The following PTPRE variants were observed in gnomAD, a reference collection of about 807,000 sequenced individuals.
PTPRE encodes the protein protein tyrosine phosphatase receptor type E.
In PTPRE, 51 loss-of-function variants were observed where a neutral mutation model predicts 102.0. The ratio of observed to expected loss-of-function variants is 0.50; its 90% CI spans 0.40 to 0.63. PTPRE has a LOEUF of 0.63. Ranked by LOEUF, PTPRE falls within the 30% of genes least tolerant of loss-of-function variation. The probability of loss-of-function intolerance (pLI) is 0.00; values close to 1 mark genes in which losing one functional copy is unlikely to be tolerated. For missense variants in PTPRE, 752 were observed against 915.1 expected (o/e 0.82, Z 2.30); for synonymous variants, 345 against 348.2 (o/e 0.99, Z 0.10).
At chr10:127,945,983 C>T (rs1318696475) in intron 1 of PTPRE, among the ~76,000 whole-genome samples, 2 of 152,098 alleles carry the variant, frequency 1.3e-5, no homozygotes, top group Non-Finnish European at 2.9e-5. Context: ...ACAGAGCTCT[C>T]TGTGGGTCTC....
At chr10:128,001,361 TAGTA>T (rs1287409330) in intron 2 of PTPRE, among the ~76,000 whole-genome samples, 3 of 152,224 alleles carry the variant, frequency 2.0e-5, no homozygotes, top group Non-Finnish European at 2.9e-5. Context: ...GAAAGGCTGA[TAGTA>T]AGTAAAGTGT....
intron 2 of PTPRE, among the ~76,000 whole-genome samples, chr10:128,006,119 G>T (rs1854514946): frequency 6.6e-6 from 1 of 152,184 alleles, no homozygotes; most frequent in Non-Finnish European, 1.5e-5. Flanking sequence ...GGTTCCAGAT[G>T]GTCATGAATT....
At chr10:127,978,677 T>C (rs750905729) in intron 1 of PTPRE, among the ~76,000 whole-genome samples, 3 of 152,236 alleles carry the variant, frequency 2.0e-5, no homozygotes, top group Admixed American at 6.5e-5. Flanking sequence ...CTCCTCGCTC[T>C]GTGATGCTGG....
chr10:128,016,701 C>T (rs1046585496), intron 2 of PTPRE, among the ~76,000 whole-genome samples: 6 of 152,056 alleles, frequency 3.9e-5, no homozygotes, highest in African/African-American at 1.4e-4. Flanking sequence ...CCAGAAAGGT[C>T]TCATCCCACC....
chr10:128,057,382 G>T (rs966080750), intron 7 of PTPRE, among the ~76,000 whole-genome samples: 1 of 152,116 alleles, frequency 6.6e-6, no homozygotes, highest in Non-Finnish European at 1.5e-5. Flanking sequence ...TGCAGCCTCC[G>T]CCTGGTCCAC....
chr10:128,079,590 A>T lies in PTPRE; in HGVS notation c.1923A>T (p.Ile641=). The change falls in exon 20 of 21, where the codon ATA becomes ATT. Residue 641 remains isoleucine, a synonymous_variant. Coordinates refer to ENST00000254667, the MANE Select transcript of PTPRE (RefSeq NM_006504.6). ...GAGCTGGGCGAACAGGTACATTCAT[A>T]GCCCTCAGCAACATTTTGGAGCGAG... ...SAGAGRTGTF[I]ALSNILERVK... is the part of the protein sequence containing the mutation. 6.2e-7 allele frequency: 1 copy of T among 1,614,170 alleles called. No homozygotes were observed. Among genetic ancestry groups the T allele is most frequent in the Non-Finnish European group, 8.5e-7 (1 of 1,180,036 alleles).
Position 127,964,508 on chromosome 10 carries a change from A to G in PTPRE, c.-30-17766A>G, listed in dbSNP as rs368151218. ...ATCAAATGTAAACTTCTAGGAATAT[A>G]TTTTCATAATGTGTTTCTAGCCGTC... On this transcript the variant is annotated intron_variant, in intron 1 of 20. Coordinates refer to ENST00000254667, the MANE Select transcript of PTPRE (RefSeq NM_006504.6). 1.2e-4 allele frequency among the ~76,000 whole-genome samples: 18 copies of G among 151,034 alleles called. No individual in the cohort carries two copies. In the East Asian group the frequency reaches 2.7e-3, roughly 23 times the overall value.
intron 11 of PTPRE, 135 bp downstream of exon 11, chr10:128,066,329 C>CA: frequency 2.8e-6 from 4 of 1,406,302 alleles, no homozygotes; most frequent in Non-Finnish European, 3.9e-6. Flanking sequence ...TGAGAGGGTG[C>CA]AGTGGCCAGG....
chr10:127,938,288 A>G (rs1023372881), intron 1 of PTPRE, among the ~76,000 whole-genome samples: 4 of 152,206 alleles, frequency 2.6e-5, no homozygotes, highest in African/African-American at 4.8e-5. Context: ...TTTGTTTCCA[A>G]TCAGGGAGCT....
At chr10:127,998,729 AC>A (rs1422207847) in intron 2 of PTPRE, 1 of 152,042 alleles carries the variant, frequency 6.6e-6, no homozygotes, top group Non-Finnish European at 1.5e-5. Flanking sequence ...CTACTGGTGC[AC>A]CTTTGTAAGA....
chr10:128,082,084 G>A (rs1590266940), intron 20 of PTPRE, among the ~76,000 whole-genome samples: 1 of 150,100 alleles, frequency 6.7e-6, no homozygotes, highest in Non-Finnish European at 1.5e-5. Context: ...TGTCCCTTTT[G>A]TACAGTAAAT....
At chr10:127,923,956 G>C (rs1037702658) in intron 1 of PTPRE, among the ~76,000 whole-genome samples, 1 of 152,116 alleles carries the variant, frequency 6.6e-6, no homozygotes, top group African/African-American at 2.4e-5. Context: ...CCCACAGAAG[G>C]CTTAAGCTGG....
At chr10:127,927,495 T>C (rs944603749) in intron 1 of PTPRE, among the ~76,000 whole-genome samples, 26 of 152,182 alleles carry the variant, frequency 1.7e-4, no homozygotes, top group African/African-American at 5.3e-4. Flanking sequence ...AAACCAATGC[T>C]CAGAGATGGA....
rs375577077 is a variant in PTPRE, at chr10:128,028,681, G to A, written c.-7-12194G>A. ...GCCCGCCGGGGCCCAGGGTTCCTTG[G>A]TCTTGGGTTCTGATGCCTTCATTCC... On this transcript the variant is annotated intron_variant, in intron 2 of 20. Transcript: ENST00000254667. This position sits in a 1 kb window ranked among gnomAD's most constrained non-coding sequence, Gnocchi z 4.5. 1.2e-4 allele frequency among the ~76,000 whole-genome samples: 18 copies of A among 152,158 alleles called. 1 individual carries two copies. The South Asian group carries it at 2.7e-3, about 23-fold the overall frequency.
At chr10:127,981,963 G>A (rs529821837) in intron 1 of PTPRE, among the ~76,000 whole-genome samples, 1 of 152,296 alleles carries the variant, frequency 6.6e-6, no homozygotes, top group South Asian at 2.1e-4. Flanking sequence ...ACTACTTGAA[G>A]GGGAGGGAAC....
chr10:127,973,916 T>A (rs1410752922), intron 1 of PTPRE, among the ~76,000 whole-genome samples: 1 of 152,182 alleles, frequency 6.6e-6, no homozygotes, highest in Non-Finnish European at 1.5e-5. Context: ...TATTGTTAAA[T>A]GGCTGCCCCC....
chr10:127,978,548 G>GA (rs11350662), intron 1 of PTPRE, among the ~76,000 whole-genome samples: 4 of 151,470 alleles, frequency 2.6e-5, no homozygotes, highest in African/African-American at 4.9e-5. Flanking sequence ...CTCAGTTTAA[G>GA]AAAAAAAATA....
chr10:127,999,174 G>C (rs530857432), intron 2 of PTPRE: 1 of 152,270 alleles, frequency 6.6e-6, no homozygotes, highest in Non-Finnish European at 1.5e-5. Flanking sequence ...AAGTCACCGA[G>C]ACTGTGTTGT....
chr10:127,940,201 C>A (rs1401861406), intron 1 of PTPRE, among the ~76,000 whole-genome samples: 1 of 152,010 alleles, frequency 6.6e-6, no homozygotes, highest in Non-Finnish European at 1.5e-5. Context: ...AGGTTCTTGC[C>A]CATCCTATAC....
Sources: allele counts gnomAD v4.1 joint callset (sites outside exome capture counted in the v4.1 genomes callset), GRCh38; gene constraint gnomAD v4.1.1; non-coding constraint Gnocchi (gnomAD v3.1); transcripts MANE v1.5; gene names NCBI Gene and HGNC (gene_info 2026-07-23, HGNC 2026-07-21).